CDK11B: variants seen among roughly 807,000 people sequenced by gnomAD.
CDK11B encodes cyclin-dependent kinase 11B.
A neutral mutation model predicts 84.0 loss-of-function variants in CDK11B; 37 were observed. The ratio of observed to expected loss-of-function variants is 0.44; its 90% CI spans 0.34 to 0.58. The LOEUF is 0.58. Among genes scored for constraint, CDK11B ranks in the 20% least tolerant of loss-of-function variants. The pLI, the probability that CDK11B is intolerant of heterozygous loss-of-function variation, is 0.02. For missense variants in CDK11B, 427 were observed against 834.0 expected (o/e 0.51, Z 6.01); for synonymous variants, 269 against 309.8 (o/e 0.87, Z 1.38).
At chr1:1,639,267 A>C (rs530456443) in intron 11 of CDK11B, among the ~76,000 whole-genome samples, 1 of 151,826 alleles carries the variant, frequency 6.6e-6, no homozygotes, top group African/African-American at 2.4e-5. Context: ...AAATAAAAAA[A>C]TTAGCCAGGC....
At chr1:1,649,450 C>T in intron 5 of CDK11B, 49 bp downstream of exon 5, 2 of 1,347,458 alleles carry the variant, frequency 1.5e-6, no homozygotes, top group South Asian at 2.4e-5. Context: ...GGATGGGACA[C>T]ACTACCACAG....
chr1:1,650,601 G>A (rs1176658328), intron 4 of CDK11B, among the ~76,000 whole-genome samples: 3 of 149,570 alleles, frequency 2.0e-5, no homozygotes, highest in Admixed American at 6.6e-5. Flanking sequence ...TTCTGACCTC[G>A]TGATCTGCCG....
intron 1 of CDK11B, among the ~76,000 whole-genome samples, chr1:1,658,356 C>G (rs1236407313): frequency 6.7e-6 from 1 of 149,776 alleles, no homozygotes; most frequent in South Asian, 2.1e-4. Context: ...GAAAAATGAC[C>G]GCTTGAAATC....
At chr1:1,638,305 G>T (rs1639691447) in intron 12 of CDK11B, among the ~76,000 whole-genome samples, 195 bp downstream of exon 12, 1 of 152,004 alleles carries the variant, frequency 6.6e-6, no homozygotes, top group African/African-American at 2.4e-5. Flanking sequence ...TCGGCCCTGT[G>T]GGGCAGGCCG....
At chr1:1,644,629 CGA>C (rs1204662122) in intron 6 of CDK11B, among the ~76,000 whole-genome samples, 1 of 148,606 alleles carries the variant, frequency 6.7e-6, no homozygotes, top group African/African-American at 2.5e-5. Context: ...GGAAAGGACG[CGA>C]GACAGAAACC....
In CDK11B at chr1:1,654,218, C is replaced by T. The variant is rs1404826000; in HGVS notation, c.227+1151G>A. On this transcript the variant is annotated intron_variant, in intron 3 of 19. Coordinates refer to ENST00000341832, the MANE Select transcript of CDK11B (RefSeq NM_033486.3). ...GAGCTAGATATGAGAAGAAAACAAA[C>T]GAGAAACAGTTCATGGCACAGGAAG... 7.8e-5 allele frequency: 35 copies of T among 449,856 alleles called. 1 individual carries two copies. The Middle Eastern group carries it at 2.7e-3, about 34-fold the overall frequency. 27.9% of individuals were successfully genotyped at this position (449,856 alleles called of 1,614,324 possible). A position where few individuals can be genotyped will look rare whatever the true frequency, so the allele number is the denominator to read the frequency against.
At chr1:1,653,286 G>A (rs1036509240) in intron 3 of CDK11B, among the ~76,000 whole-genome samples, 4 of 152,034 alleles carry the variant, frequency 2.6e-5, no homozygotes, top group Admixed American at 2.6e-4. Context: ...GCCTCCCAAA[G>A]TGCTGGGATT....
In CDK11B at chr1:1,640,263, G is replaced by C; in HGVS notation, c.1251+14C>G. On this transcript the variant is annotated intron_variant, in intron 11 of 19. Transcript: ENST00000341832. ...CAATGCGGACAGTGGCCCGGGGCGA[G>C]GGGAGGGCCTGACCTGCAGGGCCGG... 1.2e-6 allele frequency: 2 copies of C among 1,612,744 alleles called. No homozygotes were observed. The highest frequency in any genetic ancestry group is 8.5e-7 in the Non-Finnish European group (1 of 1,179,282).
chr1:1,646,529 G>C, intron 5 of CDK11B: 2 of 508,998 alleles, frequency 3.9e-6, no homozygotes, highest in Non-Finnish European at 7.7e-6. Context: ...TTATACAATC[G>C]TAGTTCCAGT....
intron 5 of CDK11B, among the ~76,000 whole-genome samples, chr1:1,649,133 T>C (rs1209925698): frequency 6.6e-6 from 1 of 152,106 alleles, no homozygotes; most frequent in Admixed American, 6.5e-5. Context: ...GGAGTCTCGC[T>C]CTGTCGCCCA....
intron 3 of CDK11B, among the ~76,000 whole-genome samples, chr1:1,654,907 C>G (rs1642535429): frequency 6.6e-6 from 1 of 151,942 alleles, no homozygotes; most frequent in Non-Finnish European, 1.5e-5. Flanking sequence ...ATCCGCCCAC[C>G]TCGGCCTCCC....
At chr1:1,637,614 C>G (rs1639575107) in intron 13 of CDK11B, 101 bp from the exon 14 acceptor site, 1 of 1,608,550 alleles carries the variant, frequency 6.2e-7, no homozygotes, top group Non-Finnish European at 8.5e-7. Flanking sequence ...TCCGGTGCCA[C>G]CCGGGAGGCA....
Position 1,636,406 on chromosome 1 carries a change from C to T in CDK11B, c.1993G>A (p.Glu665Lys), listed in dbSNP as rs1182586795. 3 of 1,611,650 alleles carry T rather than the reference C, an allele frequency of 1.9e-6. No individual in the cohort carries two copies. Among genetic ancestry groups the T allele is most frequent in the East Asian group, 2.2e-5 (1 of 44,802 alleles). The change falls in exon 18 of 20, where the codon GAG becomes AAG. Residue 665 changes from glutamate to lysine, a missense_variant. Physicochemically the swap from Glu to Lys is moderately conservative, Grantham distance 56. Transcript: ENST00000341832. ...TTGCGGAGGTTGTTGTAGGGGTGCT[C>T]GCTGAAGGTCATCTTCTTGACTGCT... Reference protein sequence around the residue: ...LPAVKKMTFSEHPYNNLRKRF... With the variant: ...LPAVKKMTFSKHPYNNLRKRF...
chr1:1,653,862 A>ACACACACACACC (rs1491423617), intron 3 of CDK11B, among the ~76,000 whole-genome samples: 2 of 143,540 alleles, frequency 1.4e-5, no homozygotes, highest in African/African-American at 5.5e-5. Flanking sequence ...ACACACACAC[A>ACACACACACACC]CCCGAGCGTG....
intron 5 of CDK11B, among the ~76,000 whole-genome samples, chr1:1,647,340 C>G (rs1366636524): frequency 2.0e-5 from 3 of 152,288 alleles, no homozygotes; most frequent in Non-Finnish European, 4.4e-5. Flanking sequence ...ATTCTGGATT[C>G]TAAGTTTTCC....
Position 1,649,532 on chromosome 1 carries a change from C to A in CDK11B, c.461G>T (p.Arg154Met). 1 of 1,600,916 alleles carries A rather than the reference C, an allele frequency of 6.2e-7. No homozygotes were observed. ...CCTGGAATGCTCCCTTGCCATCTCC[C>A]TTCTCTTCTGTCTTTCCCATTCCCG... Reference protein sequence around the residue: ...ARREWERQKRREMAREHSRRE... With the variant: ...ARREWERQKRMEMAREHSRRE... Residue 154 changes from arginine (R) to methionine (M), a missense_variant, in exon 5 of 20, where the codon AGG becomes ATG. Arg to Met is a moderately conservative substitution (Grantham distance 91, BLOSUM62 -1). This residue lies in a region of CDK11B where 71 missense variants were observed against 66.2 expected (regional missense o/e 1.07). Transcript: ENST00000341832.
At chr1:1,650,061 C>CAGA (rs1641733256) in intron 4 of CDK11B, among the ~76,000 whole-genome samples, 2 of 149,554 alleles carry the variant, frequency 1.3e-5, no homozygotes, top group African/African-American at 2.5e-5. Context: ...ATCACAAGGT[C>CAGA]AGATCGGGAC....
At position 1,640,364 on chromosome 1, in the gene CDK11B, C is replaced by T. The variant is rs774537438; in HGVS notation, c.1164G>A (p.Leu388=). The T allele has an allele frequency of 6.2e-7, 1 of 1,613,712 alleles. No individual in the cohort carries two copies. The highest frequency in any genetic ancestry group is 1.7e-5 in the Admixed American group (1 of 60,006). The change falls in exon 11 of 20, where the codon CTG becomes CTA. Residue 388 remains leucine (L), a synonymous_variant. Transcript: ENST00000341832. Reference sequence around the variant, plus strand: ...AGTCGGGCACATAGTCGCCCTCTGTCAGGGCGCTGCTCTGCGGCGTTCCCT... The same window carrying T: ...AGTCGGGCACATAGTCGCCCTCTGTTAGGGCGCTGCTCTGCGGCGTTCCCT... ...VGEGTPQSSA[L]TEGDYVPDSP...
intron 3 of CDK11B, chr1:1,654,288 TC>T: frequency 2.5e-6 from 1 of 398,150 alleles, no homozygotes; most frequent in East Asian, 7.3e-5. Flanking sequence ...TTCCTTTTTT[TC>T]CACACAGGGT....
Sources: allele counts gnomAD v4.1 joint callset (sites outside exome capture counted in the v4.1 genomes callset), GRCh38; gene constraint gnomAD v4.1.1; regional missense constraint gnomAD v4.1.1; transcripts MANE v1.5; gene names NCBI Gene and HGNC (gene_info 2026-07-23, HGNC 2026-07-21).